Variants in RTN3 observed in about 807,000 individuals in gnomAD.
The protein encoded by RTN3 is reticulon 3.
Under a neutral mutation model 77.8 loss-of-function variants are expected in RTN3, and 49 were observed. The observed-to-expected ratio is 0.63, with a 90% CI of 0.50 to 0.80. RTN3 has a LOEUF of 0.80. RTN3 is among the 30% of genes least tolerant of loss of function. The pLI is 0.00. For synonymous variants in RTN3, 464 were observed against 446.9 expected (o/e 1.04, Z -0.48); for missense variants, 1,236 against 1,211.9 (o/e 1.02, Z -0.29).
At chr11:63,750,694 C>A (rs539085546) in intron 4 of RTN3, among the ~76,000 whole-genome samples, 1 of 151,472 alleles carries the variant, frequency 6.6e-6, no homozygotes, top group Non-Finnish European at 1.5e-5. Context: ...TTGGGTGATC[C>A]GCCCGCCTCA....
At chr11:63,703,570 TCTCA>T (rs1942350480) in intron 1 of RTN3, among the ~76,000 whole-genome samples, 1 of 150,986 alleles carries the variant, frequency 6.6e-6, no homozygotes, top group Admixed American at 6.6e-5. Context: ...TTTTGAGACG[TCTCA>T]CTCTGTCTCC....
intron 1 of RTN3, among the ~76,000 whole-genome samples, chr11:63,690,428 TAAATA>T (rs1292077370): frequency 6.6e-6 from 1 of 152,142 alleles, no homozygotes; most frequent in Non-Finnish European, 1.5e-5. Context: ...GACAGAAAGG[TAAATA>T]AAATATAGAT....
intron 1 of RTN3, among the ~76,000 whole-genome samples, chr11:63,690,961 C>G (rs2134640683): frequency 6.6e-6 from 1 of 152,202 alleles, no homozygotes; most frequent in South Asian, 2.1e-4. Flanking sequence ...TCTCCACTAT[C>G]TAATTCCAGA....
At position 63,687,712 on chromosome 11, in the gene RTN3, A is replaced by G. The variant is rs747182062; in HGVS notation, c.142+5934A>G. Among the ~76,000 whole-genome samples, 58 of 152,182 alleles carry G rather than the reference A, an allele frequency of 3.8e-4. 1 individual carries two copies. The highest frequency in any genetic ancestry group is 2.9e-5 in the Non-Finnish European group (2 of 68,026). ...TGAAGAAATGAAATATAGATCAACA[A>G]TGTGACCTAGACACATTTGCTTTGT... On this transcript the variant is annotated intron_variant, in intron 1 of 8. Coordinates refer to ENST00000377819, the MANE Select transcript of RTN3 (RefSeq NM_001265589.2).
chr11:63,712,349 G>C (rs1205458960), intron 2 of RTN3, among the ~76,000 whole-genome samples: 1 of 152,172 alleles, frequency 6.6e-6, no homozygotes, highest in Non-Finnish European at 1.5e-5. Flanking sequence ...AGCTACTACT[G>C]TGAACATGTA....
At position 63,748,686 on chromosome 11, in the gene RTN3, T is replaced by TA. The variant is rs996469336; in HGVS notation, c.2531-1304dup. 1.6e-4 allele frequency among the ~76,000 whole-genome samples: 22 copies of TA among 141,722 alleles called. No homozygotes were observed. The East Asian group carries it at 4.0e-3, about 26-fold the overall frequency. The allele number at this position is 141,722 out of a possible 152,430, so 93.0% of individuals were successfully genotyped here. A position where few individuals can be genotyped will look rare whatever the true frequency, so the allele number is the denominator to read the frequency against. ...CTTTTTTTTTTTTTTTTTTTTTTTTTAGACGGAGTTTCGCTCTGTCACCCA... is the reference window on the plus strand; with the variant it reads ...CTTTTTTTTTTTTTTTTTTTTTTTTTAAGACGGAGTTTCGCTCTGTCACCCA... On this transcript the variant is annotated intron_variant, in intron 3 of 8. Transcript: ENST00000377819.
Position 63,750,104 on chromosome 11 carries a change from C to T in RTN3, c.2644C>T (p.Leu882Phe). 8.1e-6 allele frequency: 13 copies of T among 1,612,984 alleles called. No homozygotes were observed. Among genetic ancestry groups the T allele is most frequent in the Non-Finnish European group, 1.1e-5 (13 of 1,179,336 alleles). The change falls in exon 4 of 9, where the codon CTC becomes TTC. Residue 882 changes from leucine to phenylalanine, a missense_variant. This residue lies in a region of RTN3 where 39 missense variants were observed against 66.6 expected (regional missense o/e 0.59). Transcript: ENST00000377819. ...AFSVISVVSY[L>F]ILALLSVTIS... ...CAGTGTCATCAGTGTGGTTTCTTAC[C>T]TCATCCTGGCTCTTCTCTCTGTCAC...
intron 1 of RTN3, among the ~76,000 whole-genome samples, chr11:63,683,943 CTTTTTTTTTTTTTTTTT>C (rs35837590): frequency 5.1e-5 from 3 of 58,952 alleles, no homozygotes; most frequent in Non-Finnish European, 9.9e-5. Flanking sequence ...TCTTTTCTTT[CTTTTTTTTTTTTTTTTT>C]TTTTTTTTTT....
chr11:63,697,881 CCTTT>C (rs1942046013), intron 1 of RTN3, among the ~76,000 whole-genome samples: 1 of 152,010 alleles, frequency 6.6e-6, no homozygotes, highest in Admixed American at 6.6e-5. Context: ...TTCATTGGCT[CCTTT>C]CTGTCTTTCT....
intron 1 of RTN3, among the ~76,000 whole-genome samples, chr11:63,689,444 C>A (rs1363067433): frequency 2.0e-5 from 3 of 152,128 alleles, no homozygotes; most frequent in Non-Finnish European, 4.4e-5. Flanking sequence ...CTTGTGATTG[C>A]ATCATTGAAG....
Position 63,719,897 on chromosome 11 carries a change from G to A in RTN3, c.1395G>A (p.Val465=), listed in dbSNP as rs1260692313. ...AATGTGACTCTTTGGGTTCTGGAGT[G>A]GCCACAGTGAAAGTGGTTTTACCTG... The part of the protein sequence containing the change: ...PEKCDSLGSG[V]ATVKVVLPDD... Residue 465 remains valine (V), a synonymous_variant, in exon 3 of 9, where the codon GTG becomes GTA. Transcript: ENST00000377819. 6.2e-7 allele frequency: 1 copy of A among 1,614,104 alleles called. No individual in the cohort carries two copies. Among genetic ancestry groups the A allele is most frequent in the East Asian group, 2.2e-5 (1 of 44,878 alleles).
intron 1 of RTN3, among the ~76,000 whole-genome samples, chr11:63,684,539 C>T (rs974207047): frequency 6.6e-6 from 1 of 151,954 alleles, no homozygotes; most frequent in Non-Finnish European, 1.5e-5. Flanking sequence ...GTGATCTGCC[C>T]TCCTCGGCCT....
chr11:63,704,176 T>C (rs1942383056), intron 1 of RTN3, among the ~76,000 whole-genome samples: 1 of 151,976 alleles, frequency 6.6e-6, no homozygotes, highest in Admixed American at 6.6e-5. Flanking sequence ...CTAATTTTTG[T>C]ATTTTTAGTA....
At position 63,758,679 on chromosome 11, in the gene RTN3, C is replaced by G. The variant is rs1351196049; in HGVS notation, c.*478C>G. The G allele has an allele frequency of 3.4e-6, 1 of 297,634 alleles. No homozygotes were observed. The highest frequency in any genetic ancestry group is 2.2e-5 in the African/African-American group (1 of 46,414). The allele number at this position is 297,634 out of a possible 1,614,324, so 18.4% of individuals were successfully genotyped here. A position where few individuals can be genotyped will look rare whatever the true frequency, so the allele number is the denominator to read the frequency against. The stretch of plus-strand genomic sequence containing the variant: ...GGTTTTTTTTTGCAGCCCTCAAATC[C>G]TATCTTCCTGCCCCACAATGTGAGC... On this transcript the variant is annotated 3_prime_UTR_variant, in exon 9 of 9. Transcript: ENST00000377819.
chr11:63,716,990 AAAAAAG>A (rs1367382481), intron 2 of RTN3, among the ~76,000 whole-genome samples: 3 of 150,250 alleles, frequency 2.0e-5, no homozygotes, highest in Non-Finnish European at 4.4e-5. Flanking sequence ...AAAAAAAAAA[AAAAAAG>A]AAAAGAAAGT....
Position 63,724,387 on chromosome 11 carries a change from G to A in RTN3, c.2530+3355G>A, listed in dbSNP as rs898889539. 1.2e-4 allele frequency among the ~76,000 whole-genome samples: 17 copies of A among 144,678 alleles called. No homozygotes were observed. In the Admixed American group the frequency reaches 1.2e-3, roughly 10 times the overall value. The allele number at this position is 144,678 out of a possible 152,430, so 94.9% of individuals were successfully genotyped here. On this transcript the variant is annotated intron_variant, in intron 3 of 8. Transcript: ENST00000377819. ...TTTAGTACAGACGGGGTTTCACCAT[G>A]TTAGCCAGGATGGCCTCAATCTCCT...
Position 63,703,554 on chromosome 11 carries a change from T to C in RTN3, c.143-1297T>C, listed in dbSNP as rs922158397. On this transcript the variant is annotated intron_variant, in intron 1 of 8. Coordinates refer to ENST00000377819, the MANE Select transcript of RTN3 (RefSeq NM_001265589.2). ...TTCATACACATATTTTTTTTCTTTTTTTTTTTTTTGAGACGTCTCACTCTG... is the reference window on the plus strand; with the variant it reads ...TTCATACACATATTTTTTTTCTTTTCTTTTTTTTTGAGACGTCTCACTCTG... Among the ~76,000 whole-genome samples the C allele has an allele frequency of 2.0e-5, 3 of 151,570 alleles. No individual in the cohort carries two copies. In the East Asian group the frequency reaches 5.8e-4, roughly 29 times the overall value.
At chr11:63,685,585 A>G (rs969927419) in intron 1 of RTN3, among the ~76,000 whole-genome samples, 1 of 151,904 alleles carries the variant, frequency 6.6e-6, no homozygotes, top group African/African-American at 2.4e-5. Context: ...TCATGTCACA[A>G]AGGAAGTGTC....
rs1242538069 is a variant in RTN3 at position 63,750,389 on chromosome 11, T to TAGAAGCCAACAAG, written c.2738+191_2738+192insAGAAGCCAACAAG. On this transcript the variant is annotated intron_variant, in intron 4 of 8. Coordinates refer to ENST00000377819, the MANE Select transcript of RTN3 (RefSeq NM_001265589.2). Reference sequence around the variant, plus strand: ...GTGGCCAAGTTAGAAGCCAAGAACTTTTTGACAAATTAGAGGCTCATACTT... The same window carrying TAGAAGCCAACAAG: ...GTGGCCAAGTTAGAAGCCAAGAACTTAGAAGCCAACAAGTTTGACAAATTAGAGGCTCATACTT... 5 of 575,610 alleles carry TAGAAGCCAACAAG rather than the reference T, an allele frequency of 8.7e-6. No individual in the cohort carries two copies. In the Admixed American group the frequency reaches 1.6e-4, roughly 18 times the overall value. 35.7% of individuals were successfully genotyped at this position (575,610 alleles called of 1,614,324 possible). A position where few individuals can be genotyped will look rare whatever the true frequency, so the allele number is the denominator to read the frequency against.
Sources: allele counts gnomAD v4.1 joint callset (sites outside exome capture counted in the v4.1 genomes callset), GRCh38; gene constraint gnomAD v4.1.1; regional missense constraint gnomAD v4.1.1; transcripts MANE v1.5; gene names NCBI Gene and HGNC (gene_info 2026-07-23, HGNC 2026-07-21).